The following LATS2 variants were observed in gnomAD, a reference collection of about 807,000 sequenced individuals.
LATS2 encodes the protein serine/threonine-protein kinase LATS2.
Under a neutral mutation model 76.0 loss-of-function variants are expected in LATS2, and 24 were observed. The observed-to-expected ratio is 0.32, with a 90% confidence interval of 0.23 to 0.44. The LOEUF (loss-of-function observed/expected upper bound fraction) is 0.44. Ranked by LOEUF, LATS2 falls within the 20% of genes least tolerant of loss-of-function variation. LATS2 has a pLI of 1.00. For synonymous variants in LATS2, 692 were observed against 635.4 expected, an observed-to-expected ratio of 1.09 and a Z score of -1.34; for missense variants, 1,286 against 1,481.2, an observed-to-expected ratio of 0.87 and a Z score of 2.16.
rs1869409391 is a variant in LATS2 at position 20,973,049 on chromosome 13, T to G, written c.*1821A>C. 4.6e-6 allele frequency: 1 copy of G among 219,010 alleles called. No individual in the cohort carries two copies. Among genetic ancestry groups the G allele is most frequent in the Non-Finnish European group, 9.2e-6 (1 of 109,058 alleles). The allele number at this position is 219,010 out of a possible 1,614,324, so 13.6% of individuals were successfully genotyped here. A position where few individuals can be genotyped will look rare whatever the true frequency, so the allele number is the denominator to read the frequency against. ...CCAACTACGGGATTTGGATTCAAAA[T>G]TTTAATAATAAATTGTGCCAGTAGA... On this transcript the variant is annotated 3_prime_UTR_variant, in exon 8 of 8. Transcript: ENST00000382592.
At chr13:20,995,035 A>T (rs567442745) in intron 2 of LATS2, among the ~76,000 whole-genome samples, 5 of 152,264 alleles carry the variant, frequency 3.3e-5, no homozygotes, top group Admixed American at 1.3e-4. Context: ...GCTGCTTAGC[A>T]GCTGTGTAAC....
chr13:21,011,995 T>C (rs1173260060), intron 2 of LATS2, among the ~76,000 whole-genome samples: 5 of 152,190 alleles, frequency 3.3e-5, no homozygotes, highest in African/African-American at 4.8e-5. Flanking sequence ...AGAGGGAGAA[T>C]GTGCAAACTC....
intron 1 of LATS2, among the ~76,000 whole-genome samples, chr13:21,058,397 T>C (rs1323264704): frequency 6.6e-6 from 1 of 152,226 alleles, no homozygotes; most frequent in Non-Finnish European, 1.5e-5. Flanking sequence ...CTGTTTATGG[T>C]CAATTTATCA....
At chr13:20,999,543 A>T (rs1279375835) in intron 2 of LATS2, among the ~76,000 whole-genome samples, 1 of 151,932 alleles carries the variant, frequency 6.6e-6, no homozygotes, top group Non-Finnish European at 1.5e-5. Context: ...ATCAGGGCTC[A>T]TTGCAGCCTG....
chr13:20,989,745 G>A (rs181012995), intron 3 of LATS2, among the ~76,000 whole-genome samples: 91 of 152,306 alleles, frequency 6.0e-4, no homozygotes, highest in African/African-American at 2.2e-3. Flanking sequence ...CACAGAAAGG[G>A]CAGAACTGTA....
intron 6 of LATS2, 145 bp downstream of exon 6, chr13:20,981,321 C>T: frequency 2.8e-6 from 2 of 709,278 alleles, no homozygotes; most frequent in East Asian, 2.7e-5. Context: ...TTGTATGTTG[C>T]AGAAATTAGT....
chr13:21,009,039 AC>A (rs1364049142), intron 2 of LATS2, among the ~76,000 whole-genome samples: 1 of 152,232 alleles, frequency 6.6e-6, no homozygotes, highest in Admixed American at 6.5e-5. Flanking sequence ...TGTTCGTCCC[AC>A]TGCCCATGCT....
rs1372551447 is a variant in LATS2, at chr13:20,975,009, C to T, written c.3128G>A (p.Arg1043Gln). Residue 1043 changes from arginine (R) to glutamine (Q), a missense_variant, in exon 8 of 8, where the codon CGA becomes CAA. Arg to Gln is a conservative substitution (Grantham distance 43, BLOSUM62 1). This residue lies in a region of LATS2 where 210 missense variants were observed against 234.9 expected (regional missense o/e 0.89). Transcript: ENST00000382592. ...GTAGCCATTGTCATCAAAGAACCTT[C>T]GGAAGGTGAATTCGTAAAATGCGTG... is the stretch of plus-strand genomic sequence containing the variant. The part of the protein sequence containing the change: ...PEHAFYEFTF[R>Q]RFFDDNGYPF... 2 of 1,614,100 alleles carry T rather than the reference C, an allele frequency of 1.2e-6. No individual in the cohort carries two copies. The highest frequency in any genetic ancestry group is 1.3e-5 in the African/African-American group (1 of 74,936).
chr13:21,031,765 T>C (rs1872536320), intron 2 of LATS2, among the ~76,000 whole-genome samples: 1 of 152,100 alleles, frequency 6.6e-6, no homozygotes, highest in Non-Finnish European at 1.5e-5. Context: ...GAAGCTGAGA[T>C]GGGAGGATTG....
chr13:21,020,967 G>A (rs944819248), intron 2 of LATS2, among the ~76,000 whole-genome samples: 1 of 152,170 alleles, frequency 6.6e-6, no homozygotes, highest in Non-Finnish European at 1.5e-5. Context: ...TCCGTGGTTG[G>A]GAAGGTGTCC....
intron 2 of LATS2, among the ~76,000 whole-genome samples, chr13:21,040,376 CAAAA>C (rs141897751): frequency 8.3e-5 from 9 of 108,744 alleles, no homozygotes; most frequent in African/African-American, 2.9e-4. Context: ...GACCTTGTCT[CAAAA>C]AAAAAAAAAA....
At chr13:21,035,603 G>T (rs1183002881) in intron 2 of LATS2, among the ~76,000 whole-genome samples, 1 of 152,184 alleles carries the variant, frequency 6.6e-6, no homozygotes, top group African/African-American at 2.4e-5. Flanking sequence ...CCACATGACA[G>T]CAAATAATCT....
At chr13:20,998,107 T>TA (rs2138310856) in intron 2 of LATS2, among the ~76,000 whole-genome samples, 1 of 152,282 alleles carries the variant, frequency 6.6e-6, no homozygotes, top group South Asian at 2.1e-4. Flanking sequence ...CTGACGCCTG[T>TA]AATCCCAGGG....
rs1207502800 is a variant in LATS2, at chr13:20,991,318, GTCCAGGT to G, written c.422_428del (p.Tyr141SerfsTer25). On this transcript the variant is annotated frameshift_variant, in exon 3 of 8. Transcript: ENST00000382592. LOFTEE classifies it high-confidence loss of function. The surrounding 1 kb of genome is among the most constrained non-coding windows in gnomAD (Gnocchi z 4.9). ...CCCGCACAATCTGCTCATTCCTCGGGTCCAGGTAGCCCATCTTGCTGATGTACTCCAG... is the reference window on the plus strand; with the variant it reads ...CCCGCACAATCTGCTCATTCCTCGGGAGCCCATCTTGCTGATGTACTCCAG... 1 of 1,614,192 alleles carries G rather than the reference GTCCAGGT, an allele frequency of 6.2e-7. No individual in the cohort carries two copies. The highest frequency in any genetic ancestry group is 8.5e-7 in the Non-Finnish European group (1 of 1,180,030).
intron 1 of LATS2, among the ~76,000 whole-genome samples, chr13:21,048,553 G>A (rs554533135): frequency 6.6e-6 from 1 of 152,278 alleles, no homozygotes; most frequent in East Asian, 1.9e-4. Context: ...ACTCAAGGCT[G>A]GACGTGGTGG....
At chr13:21,018,474 G>C (rs564354969) in intron 2 of LATS2, among the ~76,000 whole-genome samples, 1 of 152,346 alleles carries the variant, frequency 6.6e-6, no homozygotes, top group African/African-American at 2.4e-5. Flanking sequence ...GGAAGGGCTG[G>C]CTCCAGCTGG....
intron 2 of LATS2, among the ~76,000 whole-genome samples, chr13:21,016,352 C>T (rs937606031): frequency 3.3e-5 from 5 of 151,982 alleles, no homozygotes; most frequent in Non-Finnish European, 5.9e-5. Context: ...GGCGTGATCT[C>T]GGCTCACTGC....
chr13:20,987,887 C>T lies in LATS2; in HGVS notation c.1893G>A (p.Met631Ile). 3 of 1,611,840 alleles carry T rather than the reference C, an allele frequency of 1.9e-6. No individual in the cohort carries two copies. The highest frequency in any genetic ancestry group is 2.5e-6 in the Non-Finnish European group (3 of 1,178,380). ...VNRRLQLEQEMAKAGLCEAEQ... is the reference protein window; with the variant it reads ...VNRRLQLEQEIAKAGLCEAEQ... The stretch of plus-strand genomic sequence containing the variant: ...AAATGAAGTGTGAAATTACTTTGGC[C>T]ATTTCTTGCTCCAGCTGCAGCCTCC... Residue 631 changes from methionine to isoleucine, a missense_variant, in exon 4 of 8, where the codon ATG becomes ATA. Physicochemically the swap from Met to Ile is conservative, Grantham distance 10. This residue lies in a region of LATS2 where 247 missense variants were observed against 385.4 expected (regional missense o/e 0.64). Coordinates refer to ENST00000382592, the MANE Select transcript of LATS2 (RefSeq NM_014572.3).
intron 2 of LATS2, among the ~76,000 whole-genome samples, chr13:21,027,927 TTA>T (rs1872370653): frequency 6.6e-6 from 1 of 152,086 alleles, no homozygotes; most frequent in Admixed American, 6.6e-5. Flanking sequence ...TATTAATTTT[TTA>T]TTTTTTATTA....
Sources: gnomAD v4.1 joint callset for allele counts (sites outside exome capture counted in the v4.1 genomes callset) on GRCh38, gnomAD v4.1.1 for gene constraint, gnomAD v4.1.1 regional missense constraint, Gnocchi (gnomAD v3.1) non-coding constraint, MANE v1.5 for transcripts, NCBI Gene and HGNC (gene_info 2026-07-23, HGNC 2026-07-21) for gene names.